POT1: variants seen among roughly 807,000 people sequenced by gnomAD.
POT1 encodes the protein protection of telomeres 1, also known as protection of telomeres protein 1.
A neutral mutation model predicts 78.5 loss-of-function variants in POT1; 47 were observed. The ratio of observed to expected loss-of-function variants is 0.60; its 90% CI spans 0.47 to 0.76. The LOEUF is 0.76. Ranked by LOEUF, POT1 falls within the 30% of genes least tolerant of loss-of-function variation. The pLI, the probability that POT1 is intolerant of heterozygous loss-of-function variation, is 0.00. For synonymous variants in POT1, 259 were observed against 260.7 expected (o/e 0.99, Z 0.06); for missense variants, 646 against 749.9 (o/e 0.86, Z 1.62).
chr7:124,839,292 T>C (rs905066560), intron 14 of POT1, among the ~76,000 whole-genome samples: 2 of 152,322 alleles, frequency 1.3e-5, no homozygotes, highest in Non-Finnish European at 2.9e-5. Flanking sequence ...TAAGTGATAC[T>C]GTTTTATATG....
intron 2 of POT1, among the ~76,000 whole-genome samples, chr7:124,922,939 G>A (rs910011817): frequency 3.3e-5 from 5 of 151,426 alleles, no homozygotes; most frequent in Admixed American, 6.6e-5. Flanking sequence ...CAATATAAGG[G>A]CCACACTACC....
chr7:124,842,911 T>C lies in POT1; in HGVS notation c.1059A>G (p.Lys353=), dbSNP rs1346237692. 1 of 1,608,182 alleles carries C rather than the reference T, an allele frequency of 6.2e-7. No individual in the cohort carries two copies. The highest frequency in any genetic ancestry group is 2.2e-5 in the East Asian group (1 of 44,502). ...LERTPLCAIL[K]QKAPQQYRIR... ...TGCGGTATTGTTGAGGAGCTTTTTG[T>C]TTCAAAATGGCACATAGTGGTGTCC... is the stretch of plus-strand genomic sequence containing the variant. The change falls in exon 13 of 19, where the codon AAA becomes AAG. Residue 353 remains lysine (K), a synonymous_variant. Coordinates refer to ENST00000357628, the MANE Select transcript of POT1 (RefSeq NM_015450.3).
intron 8 of POT1, among the ~76,000 whole-genome samples, chr7:124,862,711 G>A (rs1795626772): frequency 6.6e-6 from 1 of 152,110 alleles, no homozygotes; most frequent in African/African-American, 2.4e-5. Context: ...AATAACCATA[G>A]GAGCAGGCCT....
chr7:124,857,755 C>T (rs1431130115), intron 9 of POT1, among the ~76,000 whole-genome samples: 2 of 152,164 alleles, frequency 1.3e-5, no homozygotes, highest in Non-Finnish European at 2.9e-5. Flanking sequence ...TTACCATCTT[C>T]ATTTTATTCT....
chr7:124,826,731 G>A (rs1309510984), intron 17 of POT1, among the ~76,000 whole-genome samples: 2 of 152,108 alleles, frequency 1.3e-5, no homozygotes, highest in Non-Finnish European at 2.9e-5. Context: ...TTAGCTGGGC[G>A]TGGTGGTGCA....
At position 124,823,224 on chromosome 7, in the gene POT1, A is replaced by C. The variant is rs1307077220; in HGVS notation, c.*738T>G. ...GATTCTTTGCCTCATATCATTTTTC[A>C]GCTCAACTTAGGGCAAATAAATGAA... On this transcript the variant is annotated 3_prime_UTR_variant, in exon 19 of 19. Transcript: ENST00000357628. The C allele has an allele frequency of 6.6e-6, 1 of 152,082 alleles. No individual in the cohort carries two copies. The allele number at this position is 152,082 out of a possible 1,614,324, so 9.4% of individuals were successfully genotyped here.
At chr7:124,863,756 G>C in intron 7 of POT1, 116 bp from the exon 8 acceptor site, 1 of 793,004 alleles carries the variant, frequency 1.3e-6, no homozygotes, top group East Asian at 2.6e-5. Flanking sequence ...ATTAAGAGAG[G>C]GCATTTTTTA....
At chr7:124,891,250 T>C (rs1796364165) in intron 6 of POT1, among the ~76,000 whole-genome samples, 1 of 151,756 alleles carries the variant, frequency 6.6e-6, no homozygotes, top group South Asian at 2.1e-4. Flanking sequence ...AACCCTTTTA[T>C]CATTATGTGA....
intron 14 of POT1, among the ~76,000 whole-genome samples, chr7:124,835,869 A>G (rs1794889424): frequency 6.6e-6 from 1 of 152,212 alleles, no homozygotes; most frequent in Non-Finnish European, 1.5e-5. Flanking sequence ...ATGAATTCAC[A>G]TATAAAATTT....
chr7:124,889,116 C>G (rs1202876560), intron 6 of POT1, among the ~76,000 whole-genome samples: 1 of 151,838 alleles, frequency 6.6e-6, no homozygotes, highest in Non-Finnish European at 1.5e-5. Flanking sequence ...GTTGTGAATA[C>G]AAAGAAAAAG....
At chr7:124,861,358 A>G (rs1795591937) in intron 8 of POT1, among the ~76,000 whole-genome samples, 1 of 152,236 alleles carries the variant, frequency 6.6e-6, no homozygotes, top group Non-Finnish European at 1.5e-5. Context: ...ATGACCAGTG[A>G]TTATGAACTT....
At chr7:124,909,279 T>A (rs35630355) in intron 3 of POT1, among the ~76,000 whole-genome samples, 91,210 of 151,656 alleles carry the variant, frequency 0.6, 27,565 homozygotes, top group African/African-American at 0.65. Flanking sequence ...TAATTACAGC[T>A]TGTGTATTTC....
intron 9 of POT1, chr7:124,853,563 T>C (rs1299804661): frequency 1.3e-5 from 2 of 152,534 alleles, no homozygotes; most frequent in Non-Finnish European, 2.9e-5. Flanking sequence ...TAATTAAATA[T>C]GATCCTGAAG....
intron 3 of POT1, among the ~76,000 whole-genome samples, chr7:124,898,841 A>T (rs1367099313): frequency 6.6e-6 from 1 of 152,180 alleles, no homozygotes. Flanking sequence ...TATACTAATA[A>T]GAACAAAGAT....
intron 14 of POT1, among the ~76,000 whole-genome samples, 164 bp from the exon 15 acceptor site, chr7:124,835,578 CATTG>C (rs908415460): frequency 1.3e-5 from 2 of 152,068 alleles, no homozygotes; most frequent in Non-Finnish European, 1.5e-5. Flanking sequence ...CAATCCTATA[CATTG>C]ATTAAAAAAA....
rs76168068 is a variant in POT1, at chr7:124,889,511, A to T, written c.124+2755T>A. Among the ~76,000 whole-genome samples the T allele has an allele frequency of 4.6e-3, 704 of 152,188 alleles. 3 individuals are homozygous for T. The highest frequency in any genetic ancestry group is 0.016 in the African/African-American group (657 of 41,560). On this transcript the variant is annotated intron_variant, in intron 6 of 18. Coordinates refer to ENST00000357628, the MANE Select transcript of POT1 (RefSeq NM_015450.3). ...GGCTACACAAACCAACACATTTTCA[A>T]TGTAAACCAAACAGTCTTCTCTTGG...
chr7:124,929,512 G>C (rs1344683296), intron 1 of POT1: 2 of 151,908 alleles, frequency 1.3e-5, no homozygotes, highest in South Asian at 2.1e-4. Context: ...CTCTTGACGG[G>C]GACACTCACT....
intron 6 of POT1, among the ~76,000 whole-genome samples, chr7:124,885,341 C>A (rs1796218361): frequency 6.8e-6 from 1 of 147,514 alleles, no homozygotes; most frequent in East Asian, 2.0e-4. Flanking sequence ...GACATGGTGG[C>A]ACATGCTGCT....
intron 6 of POT1, among the ~76,000 whole-genome samples, chr7:124,874,238 T>C (rs1795935564): frequency 6.6e-6 from 1 of 152,120 alleles, no homozygotes; most frequent in African/African-American, 2.4e-5. Context: ...TACAGCCTAG[T>C]TGGAAGTTCT....
Sources: allele counts gnomAD v4.1 joint callset (sites outside exome capture counted in the v4.1 genomes callset), GRCh38; gene constraint gnomAD v4.1.1; transcripts MANE v1.5; gene names NCBI Gene and HGNC (gene_info 2026-07-23, HGNC 2026-07-21).